The following FMN2 variants were observed in gnomAD, a reference collection of about 807,000 sequenced individuals.
FMN2 encodes formin 2, also known as formin-2.
Under a neutral mutation model 142.3 loss-of-function variants are expected in FMN2, and 51 were observed. That is an observed-to-expected ratio of 0.36 (90% CI 0.29 to 0.45). The LOEUF (loss-of-function observed/expected upper bound fraction) is 0.45. FMN2 is among the 20% of genes least tolerant of loss of function. The pLI is 1.00. For missense variants in FMN2, 1,936 were observed against 2,122.8 expected (o/e 0.91, Z 1.73); for synonymous variants, 882 against 869.8 (o/e 1.01, Z -0.25).
chr1:240,093,004 C>T lies in FMN2; in HGVS notation c.895C>T (p.Leu299Phe), dbSNP rs1024222163. The change falls in exon 1 of 18, where the codon CTC becomes TTC. Residue 299 changes from leucine (L) to phenylalanine (F), a missense_variant. By Grantham distance (22) the Leu-to-Phe change is conservative. Transcript: ENST00000319653. ...EPQQPPSPGG[L>F]PVSEAPSLPA... ...CCAGCAACCGCCGTCCCCCGGCGGC[C>T]TCCCGGTCTCCGAGGCGCCCAGTCT... 6 of 1,399,336 alleles carry T rather than the reference C, an allele frequency of 4.3e-6. No individual in the cohort carries two copies. The highest frequency in any genetic ancestry group is 4.6e-6 in the Non-Finnish European group (5 of 1,085,642). 86.7% of individuals were successfully genotyped at this position (1,399,336 alleles called of 1,614,324 possible). A position where few individuals can be genotyped will look rare whatever the true frequency, so the allele number is the denominator to read the frequency against.
intron 13 of FMN2, among the ~76,000 whole-genome samples, chr1:240,336,280 A>T (rs1425418734): frequency 6.6e-6 from 1 of 152,164 alleles, no homozygotes; most frequent in Non-Finnish European, 1.5e-5. Context: ...AAGATTAGAT[A>T]TTGAAGGAGC....
intron 6 of FMN2, among the ~76,000 whole-genome samples, chr1:240,226,849 C>T (rs1274153387): frequency 6.6e-6 from 1 of 151,890 alleles, no homozygotes; most frequent in Non-Finnish European, 1.5e-5. Context: ...CACACACACA[C>T]AAATGGGACT....
chr1:240,376,259 T>C (rs1234790215), intron 14 of FMN2, among the ~76,000 whole-genome samples: 3 of 152,144 alleles, frequency 2.0e-5, no homozygotes, highest in Admixed American at 2.0e-4. Flanking sequence ...TTGAGTCTTA[T>C]TTTTCTTATC....
intron 7 of FMN2, among the ~76,000 whole-genome samples, chr1:240,266,007 A>G (rs139579099): frequency 1.6e-5 from 2 of 126,472 alleles, no homozygotes; most frequent in African/African-American, 6.1e-5. Context: ...TAGAATCCAG[A>G]ATCTGTTACT....
At chr1:240,228,333 G>GAAAAAAAAA in intron 6 of FMN2, among the ~76,000 whole-genome samples, 1 of 49,110 alleles carries the variant, frequency 2.0e-5, no homozygotes, top group Non-Finnish European at 3.6e-5. Context: ...AAAAAAAAAA[G>GAAAAAAAAA]AAAAAGAAAA....
At chr1:240,252,761 A>T (rs1000490487) in intron 6 of FMN2, among the ~76,000 whole-genome samples, 1 of 151,564 alleles carries the variant, frequency 6.6e-6, no homozygotes, top group Non-Finnish European at 1.5e-5. Flanking sequence ...TTTGAATTGT[A>T]TCTATTTGGG....
At chr1:240,184,470 C>T (rs1665303724) in intron 3 of FMN2, among the ~76,000 whole-genome samples, 1 of 150,302 alleles carries the variant, frequency 6.7e-6, no homozygotes, top group Non-Finnish European at 1.5e-5. Flanking sequence ...CCCGCCTCGG[C>T]CTCCCGAAGT....
chr1:240,315,627 G>A (rs1670757717), intron 8 of FMN2, among the ~76,000 whole-genome samples: 1 of 152,126 alleles, frequency 6.6e-6, no homozygotes. Flanking sequence ...TTCAGCCATT[G>A]GATATACAAC....
intron 2 of FMN2, among the ~76,000 whole-genome samples, chr1:240,157,104 G>A (rs963409938): frequency 2.0e-5 from 3 of 152,220 alleles, no homozygotes; most frequent in South Asian, 2.1e-4. Context: ...AAAGTCTACC[G>A]CACAGCTTAC....
intron 15 of FMN2, among the ~76,000 whole-genome samples, chr1:240,425,992 A>G (rs980631559): frequency 2.6e-5 from 4 of 152,224 alleles, no homozygotes; most frequent in African/African-American, 9.6e-5. Context: ...CTGGACTTTA[A>G]TTCAAGATTT....
intron 8 of FMN2, among the ~76,000 whole-genome samples, chr1:240,320,665 A>C (rs1288752351): frequency 1.3e-5 from 2 of 152,192 alleles, no homozygotes; most frequent in Non-Finnish European, 2.9e-5. Context: ...GTGCTTAAGT[A>C]TGGGGGTGGG....
At chr1:240,256,878 A>G (rs1668467380) in intron 6 of FMN2, among the ~76,000 whole-genome samples, 2 of 152,174 alleles carry the variant, frequency 1.3e-5, no homozygotes, top group African/African-American at 2.4e-5. Context: ...TATTATTGCT[A>G]TTAAGAATAT....
chr1:240,242,240 C>A (rs1276034816), intron 6 of FMN2, among the ~76,000 whole-genome samples: 2 of 152,164 alleles, frequency 1.3e-5, no homozygotes, highest in African/African-American at 4.8e-5. Flanking sequence ...TAAAATGACA[C>A]ATCTTTCATG....
intron 15 of FMN2, among the ~76,000 whole-genome samples, chr1:240,432,576 G>A (rs1386865592): frequency 4.0e-5 from 6 of 151,770 alleles, no homozygotes; most frequent in Non-Finnish European, 8.8e-5. Flanking sequence ...TGAGTTTGAT[G>A]TCTAAATAAC....
intron 2 of FMN2, among the ~76,000 whole-genome samples, chr1:240,165,962 T>G (rs377473213): frequency 6.6e-6 from 1 of 151,970 alleles, no homozygotes; most frequent in Non-Finnish European, 1.5e-5. Flanking sequence ...ACAGGAATCC[T>G]GTAGGGTGTT....
At chr1:240,164,523 G>C (rs1664400849) in intron 2 of FMN2, among the ~76,000 whole-genome samples, 1 of 151,898 alleles carries the variant, frequency 6.6e-6, no homozygotes, top group Non-Finnish European at 1.5e-5. Flanking sequence ...ATTTCCTTTA[G>C]TGCAAGCCTG....
intron 3 of FMN2, among the ~76,000 whole-genome samples, chr1:240,178,599 G>C (rs959476228): frequency 6.6e-6 from 1 of 151,770 alleles, no homozygotes; most frequent in Non-Finnish European, 1.5e-5. Context: ...ACACCACCAC[G>C]TCCAGCTAAT....
chr1:240,394,792 A>T (rs1673720060), intron 15 of FMN2, among the ~76,000 whole-genome samples: 1 of 151,944 alleles, frequency 6.6e-6, no homozygotes, highest in Non-Finnish European at 1.5e-5. Flanking sequence ...ACACGGTGAA[A>T]CCCCGTCTCT....
At chr1:240,137,995 G>A (rs1163289027) in intron 2 of FMN2, among the ~76,000 whole-genome samples, 2 of 149,804 alleles carry the variant, frequency 1.3e-5, no homozygotes, top group African/African-American at 2.5e-5. Flanking sequence ...AATCCGGGAG[G>A]CAGAGGTTGC....
Sources: allele counts gnomAD v4.1 joint callset (sites outside exome capture counted in the v4.1 genomes callset), GRCh38; gene constraint gnomAD v4.1.1; transcripts MANE v1.5; gene names NCBI Gene and HGNC (gene_info 2026-07-23, HGNC 2026-07-21).